The following TSHZ2 variants were observed in gnomAD, a reference collection of about 807,000 sequenced individuals.
TSHZ2 encodes the protein teashirt homolog 2.
TSHZ2 carries 21 observed loss-of-function variants against 74.4 expected under a neutral mutation model. That is an observed-to-expected ratio of 0.28 (90% CI 0.20 to 0.41). The LOEUF is 0.41. TSHZ2 is among the 10% of genes least tolerant of loss of function. The pLI, the probability that TSHZ2 is intolerant of heterozygous loss-of-function variation, is 1.00. For missense variants in TSHZ2, 1,244 were observed against 1,293.5 expected (o/e 0.96, Z 0.59); for synonymous variants, 540 against 515.3 (o/e 1.05, Z -0.65).
chr20:53,415,632 T>C (rs1983211628), intron 2 of TSHZ2, among the ~76,000 whole-genome samples: 1 of 1,378 alleles, frequency 7.3e-4, no homozygotes. Context: ...CCCCATAATA[T>C]AAATAGTAAA....
chr20:53,355,659 A>C (rs1004023241), intron 2 of TSHZ2, among the ~76,000 whole-genome samples: 1 of 152,216 alleles, frequency 6.6e-6, no homozygotes, highest in Non-Finnish European at 1.5e-5. Context: ...GGAAGAAAAA[A>C]ATGTTCTAAA....
chr20:53,490,183 T>C lies in TSHZ2; in HGVS notation c.*3048T>C, dbSNP rs1986412299. ...CCATTTAAAAATTTATATGTCAATA[T>C]TTAAATGTTACATATTTGGCCCTAT... On this transcript the variant is annotated 3_prime_UTR_variant, in exon 3 of 3. Coordinates refer to ENST00000371497, the MANE Select transcript of TSHZ2 (RefSeq NM_173485.6). The C allele has an allele frequency of 6.6e-6, 1 of 152,250 alleles. No individual in the cohort carries two copies. 9.4% of individuals were successfully genotyped at this position (152,250 alleles called of 1,614,324 possible).
chr20:53,335,266 T>C lies in TSHZ2; in HGVS notation c.*8+78695T>C, dbSNP rs551018228. ...AAATCAAGCCTTGAGTTGGTTCTGA[T>C]GCACAGTGAGATTTGAGATCCACCA... On this transcript the variant is annotated intron_variant, in intron 2 of 2. Coordinates refer to ENST00000371497, the MANE Select transcript of TSHZ2 (RefSeq NM_173485.6). Among the ~76,000 whole-genome samples the C allele has an allele frequency of 3.2e-4, 49 of 152,342 alleles. No individual in the cohort carries two copies. The Middle Eastern group carries it at 0.01, about 32-fold the overall frequency.
At chr20:53,066,496 C>T (rs1455150215) in intron 1 of TSHZ2, among the ~76,000 whole-genome samples, 1 of 151,918 alleles carries the variant, frequency 6.6e-6, no homozygotes, top group African/African-American at 2.4e-5. Context: ...GAAGCTGTTT[C>T]TTGTTTGTTT....
intron 2 of TSHZ2, among the ~76,000 whole-genome samples, chr20:53,363,168 T>C (rs753086025): frequency 1.3e-5 from 2 of 152,242 alleles, no homozygotes; most frequent in Non-Finnish European, 2.9e-5. Context: ...CTGCTGCCCA[T>C]GGTGGGCCCT....
At position 53,480,024 on chromosome 20, in the gene TSHZ2, G is replaced by C. The variant is rs1414039212; in HGVS notation, c.*9-7120G>C. ...AGGACGAGGCGGGAGGATCACTCGA[G>C]CCCAGGAGTTGAAGACCAGCATGGA... On this transcript the variant is annotated intron_variant, in intron 2 of 2. Coordinates refer to ENST00000371497, the MANE Select transcript of TSHZ2 (RefSeq NM_173485.6). 3.3e-5 allele frequency among the ~76,000 whole-genome samples: 5 copies of C among 151,674 alleles called. No homozygotes were observed. The South Asian group carries it at 8.3e-4, about 25-fold the overall frequency.
At chr20:53,165,667 T>C (rs1402928123) in intron 1 of TSHZ2, among the ~76,000 whole-genome samples, 2 of 152,238 alleles carry the variant, frequency 1.3e-5, no homozygotes, top group East Asian at 1.9e-4. Context: ...TCTTGCCCAA[T>C]TGGGCGACTA....
intron 2 of TSHZ2, among the ~76,000 whole-genome samples, chr20:53,322,658 A>G (rs1979320331): frequency 6.6e-6 from 1 of 152,142 alleles, no homozygotes; most frequent in African/African-American, 2.4e-5. Context: ...ACCAGTGACT[A>G]TCCAAGGCTT....
At chr20:53,348,825 T>C (rs1212439115) in intron 2 of TSHZ2, among the ~76,000 whole-genome samples, 1 of 152,232 alleles carries the variant, frequency 6.6e-6, no homozygotes, top group East Asian at 1.9e-4. Flanking sequence ...AGTACTCTCC[T>C]GGGAGGATGA....
At chr20:53,267,384 G>T (rs1348125842) in intron 2 of TSHZ2, among the ~76,000 whole-genome samples, 1 of 152,220 alleles carries the variant, frequency 6.6e-6, no homozygotes, top group Non-Finnish European at 1.5e-5. Flanking sequence ...GTGAAATGAG[G>T]CTCCAGTGAT....
At chr20:53,180,812 ACAAAG>A (rs1988449520) in intron 1 of TSHZ2, among the ~76,000 whole-genome samples, 1 of 152,208 alleles carries the variant, frequency 6.6e-6, no homozygotes, top group South Asian at 2.1e-4. Flanking sequence ...ACTTGTTAAC[ACAAAG>A]CAAAAAGGGA....
intron 1 of TSHZ2, among the ~76,000 whole-genome samples, chr20:53,015,378 GAGA>G (rs1982998267): frequency 6.6e-6 from 1 of 152,164 alleles, no homozygotes; most frequent in Non-Finnish European, 1.5e-5. Context: ...CACAGTTGGG[GAGA>G]AGATGTCACT....
intron 2 of TSHZ2, among the ~76,000 whole-genome samples, chr20:53,302,372 G>A (rs1168519404): frequency 3.9e-5 from 6 of 152,036 alleles, no homozygotes; most frequent in Non-Finnish European, 8.8e-5. Flanking sequence ...ACCCATTTTG[G>A]CCTTATAAAT....
chr20:53,058,391 A>G (rs1984712314), intron 1 of TSHZ2, among the ~76,000 whole-genome samples: 1 of 152,206 alleles, frequency 6.6e-6, no homozygotes, highest in African/African-American at 2.4e-5. Context: ...TAGTCAACAA[A>G]CTAATTCACC....
chr20:53,192,470 G>A (rs1260095974), intron 1 of TSHZ2, among the ~76,000 whole-genome samples: 6 of 151,770 alleles, frequency 4.0e-5, no homozygotes, highest in Non-Finnish European at 7.4e-5. Flanking sequence ...TGGTAAGGTG[G>A]TGACTCCCTT....
At chr20:53,082,632 C>T (rs1985573413) in intron 1 of TSHZ2, among the ~76,000 whole-genome samples, 1 of 152,172 alleles carries the variant, frequency 6.6e-6, no homozygotes, top group African/African-American at 2.4e-5. Context: ...ACTTCTGTGC[C>T]CTGGTGATTC....
At chr20:53,023,276 GT>G (rs1322033364) in intron 1 of TSHZ2, among the ~76,000 whole-genome samples, 1 of 152,154 alleles carries the variant, frequency 6.6e-6, no homozygotes, top group Non-Finnish European at 1.5e-5. Context: ...TTCAAGGCTG[GT>G]TCCTATCCCA....
chr20:53,376,267 C>T (rs552105060), intron 2 of TSHZ2, among the ~76,000 whole-genome samples: 21 of 152,126 alleles, frequency 1.4e-4, no homozygotes, highest in Non-Finnish European at 3.1e-4. Context: ...AAGAAGTTTC[C>T]CAGGATGTGG....
chr20:53,361,095 C>A (rs1981033228), intron 2 of TSHZ2, among the ~76,000 whole-genome samples: 1 of 152,194 alleles, frequency 6.6e-6, no homozygotes, highest in Admixed American at 6.5e-5. Context: ...CCCAGCGTGG[C>A]TGTGCTCACT....
Sources: gnomAD v4.1 joint callset for allele counts (sites outside exome capture counted in the v4.1 genomes callset) on GRCh38, gnomAD v4.1.1 for gene constraint, MANE v1.5 for transcripts, NCBI Gene and HGNC (gene_info 2026-07-23, HGNC 2026-07-21) for gene names.